Variants in ERC2 observed in about 807,000 individuals in gnomAD.
ERC2 encodes ERC protein 2.
Under a neutral mutation model 114.8 loss-of-function variants are expected in ERC2, and 42 were observed. The observed-to-expected ratio is 0.37, with a 90% confidence interval of 0.29 to 0.47. ERC2 has a LOEUF of 0.47. Among genes scored for constraint, ERC2 ranks in the 20% least tolerant of loss-of-function variants. ERC2 has a pLI of 0.99. For synonymous variants in ERC2, 454 were observed against 425.5 expected (o/e 1.07, Z -0.82); for missense variants, 939 against 1,150.7 (o/e 0.82, Z 2.66).
intron 12 of ERC2, among the ~76,000 whole-genome samples, chr3:55,982,473 TAA>T (rs111375888): frequency 1.4e-5 from 2 of 148,032 alleles, no homozygotes; most frequent in African/African-American, 2.5e-5. Flanking sequence ...AAAAGAACAC[TAA>T]AAAAAAAAAG....
chr3:55,995,902 C>T (rs1204082629), intron 10 of ERC2, among the ~76,000 whole-genome samples: 1 of 152,062 alleles, frequency 6.6e-6, no homozygotes, highest in Admixed American at 6.6e-5. Flanking sequence ...GAGCTTCCTC[C>T]AAAAATGGAA....
At chr3:56,324,172 G>A (rs1206052861) in intron 2 of ERC2, among the ~76,000 whole-genome samples, 1 of 152,154 alleles carries the variant, frequency 6.6e-6, no homozygotes. Context: ...TGAAGAAAGA[G>A]GTCAGAAAAC....
chr3:55,817,850 A>T (rs2059964863), intron 14 of ERC2, among the ~76,000 whole-genome samples: 1 of 152,224 alleles, frequency 6.6e-6, no homozygotes, highest in African/African-American at 2.4e-5. Flanking sequence ...TAGTCTCATT[A>T]TCACCATTAT....
chr3:56,396,342 G>T (rs1417778199), intron 2 of ERC2, among the ~76,000 whole-genome samples: 1 of 152,178 alleles, frequency 6.6e-6, no homozygotes, highest in Non-Finnish European at 1.5e-5. Context: ...TTAAAATAAT[G>T]AATGGAGCCA....
At chr3:56,383,453 G>C (rs112918015) in intron 2 of ERC2, among the ~76,000 whole-genome samples, 233 of 152,204 alleles carry the variant, frequency 1.5e-3, no homozygotes, top group African/African-American at 5.4e-3. Context: ...TTGTCTGTAT[G>C]CTCCACTAGC....
intron 14 of ERC2, among the ~76,000 whole-genome samples, chr3:55,810,572 C>T (rs985138878): frequency 2.0e-5 from 3 of 151,952 alleles, no homozygotes; most frequent in African/African-American, 7.3e-5. Context: ...AAGCGATTTT[C>T]CTGCTTCAGC....
At chr3:55,808,944 T>C (rs1236175510) in intron 14 of ERC2, among the ~76,000 whole-genome samples, 1 of 151,540 alleles carries the variant, frequency 6.6e-6, no homozygotes, top group Non-Finnish European at 1.5e-5. Flanking sequence ...GATTTATTTA[T>C]TAACTTCACT....
intron 12 of ERC2, among the ~76,000 whole-genome samples, chr3:55,976,367 C>G (rs1344762523): frequency 2.0e-5 from 3 of 152,184 alleles, no homozygotes; most frequent in Admixed American, 6.5e-5. Context: ...CCTTTCACCC[C>G]CTGTTGACTT....
chr3:55,752,109 T>C (rs968248639), intron 14 of ERC2, among the ~76,000 whole-genome samples: 6 of 152,170 alleles, frequency 3.9e-5, no homozygotes, highest in Non-Finnish European at 7.3e-5. Flanking sequence ...AAAAGAGTAA[T>C]GTTTGACCTT....
chr3:55,814,542 G>C (rs1025454589), intron 14 of ERC2, among the ~76,000 whole-genome samples: 13 of 152,150 alleles, frequency 8.5e-5, no homozygotes, highest in Non-Finnish European at 1.6e-4. Context: ...CTTATGTAAA[G>C]AAAGCCTTTG....
chr3:56,094,876 C>T (rs757040549), intron 6 of ERC2, among the ~76,000 whole-genome samples: 1 of 152,164 alleles, frequency 6.6e-6, no homozygotes, highest in Non-Finnish European at 1.5e-5. Context: ...AAAATAATAA[C>T]AGTGAAACTT....
chr3:56,371,875 C>A (rs1406698389), intron 2 of ERC2, among the ~76,000 whole-genome samples: 1 of 152,224 alleles, frequency 6.6e-6, no homozygotes, highest in Non-Finnish European at 1.5e-5. Flanking sequence ...TATGCTCACC[C>A]CAGACTGACA....
At chr3:56,207,090 C>T (rs1446444772) in intron 3 of ERC2, among the ~76,000 whole-genome samples, 5 of 151,990 alleles carry the variant, frequency 3.3e-5, no homozygotes, top group Non-Finnish European at 5.9e-5. Flanking sequence ...TCATTAGTTG[C>T]GGCTCTCACT....
At chr3:56,317,658 C>A (rs1213901246) in intron 2 of ERC2, among the ~76,000 whole-genome samples, 1 of 152,152 alleles carries the variant, frequency 6.6e-6, no homozygotes, top group Admixed American at 6.5e-5. Flanking sequence ...TTATTGAACA[C>A]CCCTATGTGC....
At position 56,435,084 on chromosome 3, in the gene ERC2, T is replaced by C. The variant is rs1216524146; in HGVS notation, c.-77A>G. On this transcript the variant is annotated 5_prime_UTR_variant, in exon 2 of 18. Coordinates refer to ENST00000288221, the MANE Select transcript of ERC2 (RefSeq NM_015576.3). ...GGGGTTTGAGCTAATATTTCCACGA[T>C]TGTCCAGAATTTTCACCGCATTCTT... 7 of 1,137,332 alleles carry C rather than the reference T, an allele frequency of 6.2e-6. No homozygotes were observed. The highest frequency in any genetic ancestry group is 1.6e-5 in the South Asian group (1 of 62,960). The allele number at this position is 1,137,332 out of a possible 1,614,324, so 70.5% of individuals were successfully genotyped here. A position where few individuals can be genotyped will look rare whatever the true frequency, so the allele number is the denominator to read the frequency against.
At chr3:56,037,738 A>C (rs918823175) in intron 7 of ERC2, among the ~76,000 whole-genome samples, 3 of 152,202 alleles carry the variant, frequency 2.0e-5, no homozygotes, top group Middle Eastern at 3.2e-3. Context: ...ATCAACCCCA[A>C]GACACAGAAT....
intron 14 of ERC2, among the ~76,000 whole-genome samples, chr3:55,805,758 T>C (rs1341045201): frequency 6.6e-6 from 1 of 152,114 alleles, no homozygotes; most frequent in African/African-American, 2.4e-5. Flanking sequence ...CTGATCGGAT[T>C]ACACACCCAG....
At chr3:55,842,507 T>C (rs1381350853) in intron 14 of ERC2, among the ~76,000 whole-genome samples, 1 of 152,206 alleles carries the variant, frequency 6.6e-6, no homozygotes, top group Non-Finnish European at 1.5e-5. Flanking sequence ...CAAGTTTAAC[T>C]AGTTATTTTC....
At chr3:55,990,493 T>G (rs2070977406) in intron 11 of ERC2, among the ~76,000 whole-genome samples, 1 of 152,128 alleles carries the variant, frequency 6.6e-6, no homozygotes, top group Admixed American at 6.6e-5. Context: ...CAGTGGCTCA[T>G]AATTTACTGC....
Sources: gnomAD v4.1 joint callset for allele counts (sites outside exome capture counted in the v4.1 genomes callset) on GRCh38, gnomAD v4.1.1 for gene constraint, MANE v1.5 for transcripts, NCBI Gene and HGNC (gene_info 2026-07-23, HGNC 2026-07-21) for gene names.